The following LMBR1 variants were observed in gnomAD, a reference collection of about 807,000 sequenced individuals.
LMBR1 encodes limb region 1 protein homolog.
Under a neutral mutation model 73.9 loss-of-function variants are expected in LMBR1, and 52 were observed. The ratio of observed to expected loss-of-function variants is 0.70; its 90% CI spans 0.56 to 0.89. LMBR1 has a LOEUF of 0.89. Ranked by LOEUF, LMBR1 falls within the 40% of genes least tolerant of loss-of-function variation. The pLI is 0.00. For synonymous variants in LMBR1, 215 were observed against 209.4 expected, an observed-to-expected ratio of 1.03 and a Z score of -0.23; for missense variants, 539 against 579.8, an observed-to-expected ratio of 0.93 and a Z score of 0.72.
chr7:156,745,950 T>A (rs1052054147), intron 9 of LMBR1, among the ~76,000 whole-genome samples: 2 of 152,216 alleles, frequency 1.3e-5, no homozygotes, highest in Non-Finnish European at 2.9e-5. Flanking sequence ...TACAGAAATA[T>A]TCAGGTAATG....
At chr7:156,727,228 T>C (rs947445830) in intron 12 of LMBR1, among the ~76,000 whole-genome samples, 1 of 152,136 alleles carries the variant, frequency 6.6e-6, no homozygotes, top group Non-Finnish European at 1.5e-5. Context: ...AGAGAAGCCA[T>C]GTAGGAAGGA....
At chr7:156,764,588 G>A (rs369056321) in intron 5 of LMBR1, among the ~76,000 whole-genome samples, 1 of 152,116 alleles carries the variant, frequency 6.6e-6, no homozygotes, top group African/African-American at 2.4e-5. Flanking sequence ...ATTTTGTACT[G>A]CAATGCACTA....
chr7:156,800,565 G>C (rs1353172081), intron 4 of LMBR1, among the ~76,000 whole-genome samples: 1 of 151,004 alleles, frequency 6.6e-6, no homozygotes, highest in African/African-American at 2.4e-5. Flanking sequence ...AGCCCTGGTG[G>C]AGATGTTTAA....
In LMBR1 at chr7:156,685,275, G is replaced by A. The variant is rs981137636; in HGVS notation, c.1388-1112C>T. ...ACAGGGAGAAAGGGCAGAAGAAAAT[G>A]TAAGAGCTTCTGTGGCACTGGAGCG... On this transcript the variant is annotated intron_variant, in intron 16 of 16. Coordinates refer to ENST00000353442, the MANE Select transcript of LMBR1 (RefSeq NM_022458.4). This position sits in a 1 kb window ranked among gnomAD's most constrained non-coding sequence, Gnocchi z 4.1. Among the ~76,000 whole-genome samples, 1 of 152,192 alleles carries A rather than the reference G, an allele frequency of 6.6e-6. No individual in the cohort carries two copies. The highest frequency in any genetic ancestry group is 2.4e-5 in the African/African-American group (1 of 41,442).
chr7:156,783,224 T>G (rs1230855202), intron 5 of LMBR1, among the ~76,000 whole-genome samples: 2 of 152,216 alleles, frequency 1.3e-5, no homozygotes, highest in Non-Finnish European at 2.9e-5. Context: ...AAAAGTGAAG[T>G]GCAGTGGTAC....
intron 15 of LMBR1, among the ~76,000 whole-genome samples, chr7:156,722,599 T>C (rs181317081): frequency 1.3e-5 from 2 of 152,306 alleles, no homozygotes; most frequent in East Asian, 1.9e-4. Flanking sequence ...GCAGTGCGTG[T>C]TGATATTTTG....
Position 156,680,146 on chromosome 7 carries a change from A to G in LMBR1, c.*3932T>C, listed in dbSNP as rs1804753623. ...ATTTTTACCTAAACAATATTCAAAAACCAAAAAAAAAAAAAACTCCAAAAA... is the reference window on the plus strand; with the variant it reads ...ATTTTTACCTAAACAATATTCAAAAGCCAAAAAAAAAAAAAACTCCAAAAA... On this transcript the variant is annotated 3_prime_UTR_variant, in exon 17 of 17. Transcript: ENST00000353442. 1.4e-5 allele frequency: 2 copies of G among 143,724 alleles called. No homozygotes were observed. Among genetic ancestry groups the G allele is most frequent in the African/African-American group, 5.5e-5 (2 of 36,492 alleles). 8.9% of individuals were successfully genotyped at this position (143,724 alleles called of 1,614,324 possible).
chr7:156,882,113 C>T (rs553441347), intron 1 of LMBR1, among the ~76,000 whole-genome samples: 2 of 152,244 alleles, frequency 1.3e-5, no homozygotes, highest in South Asian at 4.1e-4. Flanking sequence ...ATGTGGTATA[C>T]AATGGAATAC....
In LMBR1 at chr7:156,848,892, T is replaced by G. The variant is rs563540826; in HGVS notation, c.67-12007A>C. Among the ~76,000 whole-genome samples, 7 of 142,244 alleles carry G rather than the reference T, an allele frequency of 4.9e-5. No individual in the cohort carries two copies. The East Asian group carries it at 1.5e-3, about 30-fold the overall frequency. The allele number at this position is 142,244 out of a possible 152,430, so 93.3% of individuals were successfully genotyped here. On this transcript the variant is annotated intron_variant, in intron 1 of 16. Coordinates refer to ENST00000353442, the MANE Select transcript of LMBR1 (RefSeq NM_022458.4). ...GCTGCAGTGAGCAGAGATCGTACCA[T>G]GACACCGCAGCCTGGGCGACAAAGC...
At chr7:156,848,006 G>A (rs1252503411) in intron 1 of LMBR1, among the ~76,000 whole-genome samples, 4 of 151,280 alleles carry the variant, frequency 2.6e-5, no homozygotes, top group African/African-American at 7.3e-5. Flanking sequence ...AAACTTGGAA[G>A]GAATCAAGAT....
rs567251440 is a variant in LMBR1, at chr7:156,838,443, C to T, written c.67-1558G>A. Among the ~76,000 whole-genome samples, 3 of 152,302 alleles carry T rather than the reference C, an allele frequency of 2.0e-5. No homozygotes were observed. The South Asian group carries it at 6.2e-4, about 32-fold the overall frequency. On this transcript the variant is annotated intron_variant, in intron 1 of 16. Transcript: ENST00000353442. ...AAAAGTTCAACATTTTTAAATTTCA[C>T]ATCTAAGTGAGATCATGAAGTATTT...
chr7:156,872,647 CA>C (rs879438854), intron 1 of LMBR1, among the ~76,000 whole-genome samples: 36 of 117,502 alleles, frequency 3.1e-4, no homozygotes, highest in South Asian at 2.8e-4. Flanking sequence ...AACTCCGTCT[CA>C]AAAAAAAAAA....
chr7:156,764,715 T>A (rs531545951), intron 5 of LMBR1, among the ~76,000 whole-genome samples: 1 of 152,336 alleles, frequency 6.6e-6, no homozygotes, highest in South Asian at 2.1e-4. Context: ...TTCCAAAACA[T>A]ACACTTATTT....
chr7:156,854,392 G>C (rs1327578150), intron 1 of LMBR1, among the ~76,000 whole-genome samples: 1 of 152,138 alleles, frequency 6.6e-6, no homozygotes, highest in East Asian at 1.9e-4. Flanking sequence ...TTTCCTTCAG[G>C]AGTCCTACCA....
rs771147544 is a variant in LMBR1 at position 156,887,393 on chromosome 7, G to A, written c.66+5535C>T. On this transcript the variant is annotated intron_variant, in intron 1 of 16. Transcript: ENST00000353442. ...CAGGAGAATTGCCTGAACCCGGGAGGCGGAGGTTGCAGTGAGCCTTGAGAT... is the reference window on the plus strand; with the variant it reads ...CAGGAGAATTGCCTGAACCCGGGAGACGGAGGTTGCAGTGAGCCTTGAGAT... 3.2e-4 allele frequency among the ~76,000 whole-genome samples: 49 copies of A among 150,930 alleles called. 1 individual carries two copies. Among genetic ancestry groups the A allele is most frequent in the Admixed American group, 1.8e-3 (27 of 15,136 alleles).
rs201731417 is a variant in LMBR1, at chr7:156,699,797, A to G, written c.1226-11606T>C. Among the ~76,000 whole-genome samples, 828 of 152,328 alleles carry G rather than the reference A, an allele frequency of 5.4e-3. 51 individuals carry two copies. In the East Asian group the frequency reaches 0.13, roughly 24 times the overall value. ...ATTTATGCAGCCAAAAAACACATGA[A>G]AAAATGCTCATCATCACTGGCCATC... On this transcript the variant is annotated intron_variant, in intron 15 of 16. Transcript: ENST00000353442.
intron 15 of LMBR1, among the ~76,000 whole-genome samples, chr7:156,713,844 T>A (rs75712393): frequency 6.6e-6 from 1 of 152,208 alleles, no homozygotes. Context: ...CATTAATATA[T>A]TAATGTATGG....
Position 156,728,706 on chromosome 7 carries a change from C to G in LMBR1, c.853G>C (p.Ala285Pro). 1 of 1,600,332 alleles carries G rather than the reference C, an allele frequency of 6.2e-7. No individual in the cohort carries two copies. The highest frequency in any genetic ancestry group is 8.5e-7 in the Non-Finnish European group (1 of 1,175,948). The part of the protein sequence containing the change: ...LKTKLERRKK[A>P]SAWERNLVYP... ...ACCAAATTTCTTTCCCATGCTGAAGCCTTTTTTCGCCTCTCTATTAAAAGG... is the reference window on the plus strand; with the variant it reads ...ACCAAATTTCTTTCCCATGCTGAAGGCTTTTTTCGCCTCTCTATTAAAAGG... The change falls in exon 11 of 17, where the codon GCT becomes CCT. Residue 285 changes from alanine to proline, a missense_variant. Physicochemically the swap from Ala to Pro is conservative, Grantham distance 27. This residue lies in a region of LMBR1 where 454 missense variants were observed against 473.4 expected (regional missense o/e 0.96). Transcript: ENST00000353442.
At chr7:156,673,508 G>C (rs1331594716), downstream of LMBR1, among the ~76,000 whole-genome samples, 1 of 152,138 alleles carries the variant, frequency 6.6e-6, no homozygotes, top group African/African-American at 2.4e-5. Flanking sequence ...ACAGCTGCTT[G>C]GCAATTATAA....
Sources: gnomAD v4.1 joint callset for allele counts (sites outside exome capture counted in the v4.1 genomes callset) on GRCh38, gnomAD v4.1.1 for gene constraint, gnomAD v4.1.1 regional missense constraint, Gnocchi (gnomAD v3.1) non-coding constraint, MANE v1.5 for transcripts, NCBI Gene and HGNC (gene_info 2026-07-23, HGNC 2026-07-21) for gene names.